Variants in NAALADL2 observed in about 807,000 individuals in gnomAD.
NAALADL2 encodes inactive N-acetylated-alpha-linked acidic dipeptidase-like protein 2.
A neutral mutation model predicts 87.2 loss-of-function variants in NAALADL2; 76 were observed. That is an observed-to-expected ratio of 0.87 (90% CI 0.72 to 1.05). The LOEUF (loss-of-function observed/expected upper bound fraction) is 1.05. Among genes scored for constraint, NAALADL2 ranks in the 50% least tolerant of loss-of-function variants. The probability of loss-of-function intolerance (pLI) is 0.00; values close to 1 mark genes in which losing one functional copy is unlikely to be tolerated. For synonymous variants in NAALADL2, 354 were observed against 331.0 expected (o/e 1.07, Z -0.75); for missense variants, 1,089 against 945.8 (o/e 1.15, Z -1.99).
At chr3:174,964,296 A>C (rs967438504) in intron 1 of NAALADL2, among the ~76,000 whole-genome samples, 1 of 152,154 alleles carries the variant, frequency 6.6e-6, no homozygotes, top group Non-Finnish European at 1.5e-5. Flanking sequence ...TATACAGGCA[A>C]TCAAGAGTTC....
chr3:175,561,361 G>T (rs1029981016), intron 9 of NAALADL2, among the ~76,000 whole-genome samples: 19 of 152,138 alleles, frequency 1.2e-4, no homozygotes, highest in Non-Finnish European at 1.9e-4. Flanking sequence ...AGGAAAAAAA[G>T]TCTGTACATG....
chr3:174,545,842 T>C (rs1722680803), intron 1 of NAALADL2, among the ~76,000 whole-genome samples: 1 of 151,294 alleles, frequency 6.6e-6, no homozygotes, highest in Admixed American at 6.6e-5. Context: ...TTTATTATTT[T>C]TTCATAATTT....
At chr3:175,798,326 G>A (rs973161976) in intron 13 of NAALADL2, among the ~76,000 whole-genome samples, 6 of 151,888 alleles carry the variant, frequency 4.0e-5, no homozygotes. Context: ...AAAAATCTCA[G>A]TCACTTATAT....
chr3:174,719,553 T>C (rs1731512090), intron 2 of NAALADL2, among the ~76,000 whole-genome samples: 1 of 152,220 alleles, frequency 6.6e-6, no homozygotes, highest in Admixed American at 6.5e-5. Context: ...TCACAAGCTG[T>C]AACTCACGTA....
At chr3:175,578,191 C>T (rs749811000) in intron 10 of NAALADL2, among the ~76,000 whole-genome samples, 4 of 152,064 alleles carry the variant, frequency 2.6e-5, no homozygotes, top group Admixed American at 1.3e-4. Flanking sequence ...TTTAGGAAGC[C>T]GAGACGGGCA....
chr3:175,128,934 TG>T (rs1727374945), intron 2 of NAALADL2, among the ~76,000 whole-genome samples: 1 of 150,188 alleles, frequency 6.7e-6, no homozygotes, highest in East Asian at 2.0e-4. Flanking sequence ...AATTTTTTTT[TG>T]TTTGTTTGTT....
At chr3:175,772,841 G>A (rs1304565237) in intron 13 of NAALADL2, among the ~76,000 whole-genome samples, 1 of 152,090 alleles carries the variant, frequency 6.6e-6, no homozygotes, top group African/African-American at 2.4e-5. Flanking sequence ...ACATTTTAGT[G>A]TTACTTCTGT....
chr3:174,783,312 T>C (rs1389772500), intron 3 of NAALADL2, among the ~76,000 whole-genome samples: 1 of 152,198 alleles, frequency 6.6e-6, no homozygotes, highest in Non-Finnish European at 1.5e-5. Flanking sequence ...CTTTCCTGCC[T>C]TGTTCCCTTT....
At chr3:174,674,219 G>A (rs567328606) in intron 2 of NAALADL2, among the ~76,000 whole-genome samples, 4 of 151,970 alleles carry the variant, frequency 2.6e-5, no homozygotes, top group South Asian at 2.1e-4. Context: ...AATCTCATGC[G>A]AACTCACTCA....
At position 175,693,783 on chromosome 3, in the gene NAALADL2, CCCCGA is replaced by C. The variant is rs1674740419; in HGVS notation, c.1897-43518_1897-43514del. On this transcript the variant is annotated intron_variant, in intron 11 of 13. Transcript: ENST00000454872. Reference sequence around the variant, plus strand: ...GTGCAATCTCAGCTCACTGCAACCTCCCCGACCCGGGTTCAAGCGATTCTCCTGCC... The same window carrying C: ...GTGCAATCTCAGCTCACTGCAACCTCCCCGGGTTCAAGCGATTCTCCTGCC... Among the ~76,000 whole-genome samples the C allele has an allele frequency of 2.0e-5, 3 of 152,254 alleles. No individual in the cohort carries two copies. In the South Asian group the frequency reaches 6.2e-4, roughly 32 times the overall value.
At chr3:174,930,788 A>T (rs915394738) in intron 1 of NAALADL2, among the ~76,000 whole-genome samples, 3 of 151,170 alleles carry the variant, frequency 2.0e-5, no homozygotes, top group African/African-American at 4.9e-5. Flanking sequence ...TTCCTGGCTA[A>T]TTTTTTTGTA....
intron 11 of NAALADL2, among the ~76,000 whole-genome samples, chr3:175,657,298 A>T (rs1731603580): frequency 6.6e-6 from 1 of 152,184 alleles, no homozygotes; most frequent in African/African-American, 2.4e-5. Context: ...AACTAATTCA[A>T]AGGTTTAATC....
At chr3:174,701,025 T>G (rs906983009) in intron 2 of NAALADL2, among the ~76,000 whole-genome samples, 1 of 152,076 alleles carries the variant, frequency 6.6e-6, no homozygotes, top group South Asian at 2.1e-4. Context: ...GAAACAGTCA[T>G]GAAGGGAGAT....
chr3:175,796,696 T>C (rs76706465), intron 13 of NAALADL2, among the ~76,000 whole-genome samples: 5,976 of 152,304 alleles, frequency 0.039, 397 homozygotes, highest in African/African-American at 0.14. Context: ...CTCTCTGCAT[T>C]CAGCATGTAT....
chr3:175,639,055 T>C (rs11922027), intron 11 of NAALADL2, among the ~76,000 whole-genome samples: 39,466 of 152,020 alleles, frequency 0.26, 5,801 homozygotes, highest in African/African-American at 0.41. Context: ...TGTGATATGT[T>C]TTACTATATA....
intron 10 of NAALADL2, among the ~76,000 whole-genome samples, chr3:175,580,240 CTGTGTG>C: frequency 6.6e-6 from 1 of 150,464 alleles, no homozygotes; most frequent in East Asian, 1.9e-4. Context: ...AATTATGCCT[CTGTGTG>C]TGTGTGTGTG....
At chr3:175,732,878 G>C (rs1344991478) in intron 11 of NAALADL2, among the ~76,000 whole-genome samples, 1 of 116,780 alleles carries the variant, frequency 8.6e-6, no homozygotes, top group African/African-American at 3.3e-5. Context: ...CATGGGAGGG[G>C]AACAACACAC....
At chr3:175,242,567 A>G (rs756666348) in intron 3 of NAALADL2, 1 of 152,214 alleles carries the variant, frequency 6.6e-6, no homozygotes, top group Non-Finnish European at 1.5e-5. Context: ...ACTTACCTCA[A>G]TAAGTTGAGT....
At chr3:175,522,790 G>T (rs1321064630) in intron 9 of NAALADL2, among the ~76,000 whole-genome samples, 1 of 152,082 alleles carries the variant, frequency 6.6e-6, no homozygotes, top group Non-Finnish European at 1.5e-5. Context: ...TTTTGATTTT[G>T]ATTATGGAAA....
Sources: gnomAD v4.1 joint callset for allele counts (sites outside exome capture counted in the v4.1 genomes callset) on GRCh38, gnomAD v4.1.1 for gene constraint, MANE v1.5 for transcripts, NCBI Gene and HGNC (gene_info 2026-07-23, HGNC 2026-07-21) for gene names.